TGFB1I1: variants seen among roughly 807,000 people sequenced by gnomAD.
The protein encoded by TGFB1I1 is transforming growth factor beta 1 induced transcript 1.
A neutral mutation model predicts 52.0 loss-of-function variants in TGFB1I1; 33 were observed. That is an observed-to-expected ratio of 0.63 (90% confidence interval 0.48 to 0.85). The LOEUF is 0.85. TGFB1I1 is among the 40% of genes least tolerant of loss of function. The probability of loss-of-function intolerance (pLI) is 0.00; values close to 1 mark genes in which losing one functional copy is unlikely to be tolerated. For missense variants in TGFB1I1, 577 were observed against 614.9 expected, an observed-to-expected ratio of 0.94 and a Z score of 0.65; for synonymous variants, 236 against 253.3, an observed-to-expected ratio of 0.93 and a Z score of 0.65.
rs1444972611 is a variant in TGFB1I1 at position 31,473,505 on chromosome 16, G to A, written c.78G>A (p.Glu26=). The A allele has an allele frequency of 3.7e-6, 6 of 1,613,762 alleles. No individual in the cohort carries two copies. Among genetic ancestry groups the A allele is most frequent in the Non-Finnish European group, 5.1e-6 (6 of 1,180,028 alleles). ...TGCCAAGGTCAGGGGCTCCCAAAGA[G>A]CGCCCTGCGGAGCCTCTCACCCCTC... The part of the protein sequence containing the change: ...SHMPRSGAPK[E]RPAEPLTPPP... Residue 26 remains glutamate, a synonymous_variant, in exon 2 of 11, where the codon GAG becomes GAA. Coordinates refer to ENST00000394863, the MANE Select transcript of TGFB1I1 (RefSeq NM_001042454.3).
rs1415554882 is a variant in TGFB1I1 at position 31,476,195 on chromosome 16, G to T, written c.888+10G>T. Reference sequence around the variant, plus strand: ...CCAGCCCATCCGACACGTGAGCCCCGCCCGGCCGCACCGAGCCCGCCCTAT... The same window carrying T: ...CCAGCCCATCCGACACGTGAGCCCCTCCCGGCCGCACCGAGCCCGCCCTAT... On this transcript the variant is annotated intron_variant, in intron 8 of 10. Coordinates refer to ENST00000394863, the MANE Select transcript of TGFB1I1 (RefSeq NM_001042454.3). This position sits in a 1 kb window ranked among gnomAD's most constrained non-coding sequence, Gnocchi z 7.6. The T allele has an allele frequency of 2.5e-6, 4 of 1,608,600 alleles. No homozygotes were observed. The highest frequency in any genetic ancestry group is 3.4e-6 in the Non-Finnish European group (4 of 1,178,414).
Position 31,476,992 on chromosome 16 carries a change from G to T in TGFB1I1, c.1101G>T (p.Pro367=). Residue 367 remains proline (P), a synonymous_variant, in exon 10 of 11, where the codon CCG becomes CCT. Coordinates refer to ENST00000394863, the MANE Select transcript of TGFB1I1 (RefSeq NM_001042454.3). The surrounding 1 kb of genome is among the most constrained non-coding windows in gnomAD (Gnocchi z 7.6). The stretch of plus-strand genomic sequence containing the variant: ...CGGCGCTCAGCGCGCTCTGGCACCC[G>T]GACTGTTTCGTCTGCAGGGTGCGAG... ...YISALSALWH[P]DCFVCRECFA... is the part of the protein sequence containing the mutation. 1 of 1,588,690 alleles carries T rather than the reference G, an allele frequency of 6.3e-7. No homozygotes were observed. The highest frequency in any genetic ancestry group is 8.5e-7 in the Non-Finnish European group (1 of 1,173,816).
chr16:31,474,569 G>A lies in TGFB1I1; in HGVS notation c.526G>A (p.Ala176Thr). 1 of 1,608,272 alleles carries A rather than the reference G, an allele frequency of 6.2e-7. No individual in the cohort carries two copies. The highest frequency in any genetic ancestry group is 1.1e-5 in the South Asian group (1 of 90,772). Reference sequence around the variant, plus strand: ...CATGTCCTCCCCGCTGCAGCTTCCAGCCTCTGGGCCAACTCAGCCACCGGT... The same window carrying A: ...CATGTCCTCCCCGCTGCAGCTTCCAACCTCTGGGCCAACTCAGCCACCGGT... ...SDFRVQNHLP[A>T]SGPTQPPVVS... The change falls in exon 7 of 11, where the codon GCC becomes ACC. Residue 176 changes from alanine (A) to threonine (T), a missense_variant. Coordinates refer to ENST00000394863, the MANE Select transcript of TGFB1I1 (RefSeq NM_001042454.3). The surrounding 1 kb of genome is among the most constrained non-coding windows in gnomAD (Gnocchi z 4.2).
chr16:31,476,801 T>C lies in TGFB1I1; in HGVS notation c.971-61T>C. The C allele has an allele frequency of 2.5e-6, 4 of 1,602,484 alleles. No individual in the cohort carries two copies. Among genetic ancestry groups the C allele is most frequent in the Non-Finnish European group, 3.4e-6 (4 of 1,176,416 alleles). On this transcript the variant is annotated intron_variant, in intron 9 of 10. Transcript: ENST00000394863. This position sits in a 1 kb window ranked among gnomAD's most constrained non-coding sequence, Gnocchi z 7.6. ...CTCCTTCGGCCCCAGATCTCAGGTC[T>C]TGTGGGTCCCCCGTCCCGCCCGCAC...
At chr16:31,473,401 C>A in intron 1 of TGFB1I1, 40 bp from the exon 2 acceptor site, 2 of 1,588,734 alleles carry the variant, frequency 1.3e-6, no homozygotes, top group African/African-American at 2.7e-5. Flanking sequence ...CTGATCTAAC[C>A]GTGACCCTTG....
At position 31,474,683 on chromosome 16, in the gene TGFB1I1, G is replaced by A. The variant is rs374512418; in HGVS notation, c.640G>A (p.Asp214Asn). 11 of 1,613,084 alleles carry A rather than the reference G, an allele frequency of 6.8e-6. No individual in the cohort carries two copies. The highest frequency in any genetic ancestry group is 1.7e-4 in the Middle Eastern group (1 of 6,060). Residue 214 changes from aspartate to asparagine, a missense_variant, in exon 7 of 11, where the codon GAC becomes AAC. This residue lies in a region of TGFB1I1 where 456 missense variants were observed against 461.6 expected (regional missense o/e 0.99). Coordinates refer to ENST00000394863, the MANE Select transcript of TGFB1I1 (RefSeq NM_001042454.3). This position sits in a 1 kb window ranked among gnomAD's most constrained non-coding sequence, Gnocchi z 4.2. ...CACCATGCTGGGGCTGCTGCAGTCC[G>A]ACCTCAGCCGCCGGGGTGTTCCCAC... ...LDTMLGLLQSDLSRRGVPTQA... is the reference protein window; with the variant it reads ...LDTMLGLLQSNLSRRGVPTQA...
Position 31,474,372 on chromosome 16 carries a change from C to T in TGFB1I1, c.436C>T (p.Leu146Phe), listed in dbSNP as rs373889382. 1.9e-6 allele frequency: 3 copies of T among 1,614,084 alleles called. No individual in the cohort carries two copies. The highest frequency in any genetic ancestry group is 1.1e-5 in the South Asian group (1 of 91,090). Reference sequence around the variant, plus strand: ...CAGCCCTTCCAGCCCGTCTCCTGGCCTCCCAAAGGCTTCTGCCACCTCAGC... The same window carrying T: ...CAGCCCTTCCAGCCCGTCTCCTGGCTTCCCAAAGGCTTCTGCCACCTCAGC... ...PSLPSSPSPG[L>F]PKASATSATL... The change falls in exon 6 of 11, where the codon CTC becomes TTC. Residue 146 changes from leucine to phenylalanine, a missense_variant. By Grantham distance (22) the Leu-to-Phe change is conservative. Coordinates refer to ENST00000394863, the MANE Select transcript of TGFB1I1 (RefSeq NM_001042454.3). The surrounding 1 kb of genome is among the most constrained non-coding windows in gnomAD (Gnocchi z 4.2).
At chr16:31,473,124 A>G in intron 1 of TGFB1I1, 1 of 965,756 alleles carries the variant, frequency 1.0e-6, no homozygotes, top group Non-Finnish European at 1.3e-6. Context: ...AGGGCCAGGC[A>G]CTGGGCCAAT....
At chr16:31,472,244 GC>G in intron 1 of TGFB1I1, 43 bp downstream of exon 1, 1 of 1,447,998 alleles carries the variant, frequency 6.9e-7, no homozygotes, top group Non-Finnish European at 9.1e-7. Flanking sequence ...CCTCACCGCT[GC>G]CCAGAGCTGC....
intron 1 of TGFB1I1, 68 bp from the exon 2 acceptor site, chr16:31,473,373 C>T (rs909031776): frequency 2.6e-6 from 4 of 1,532,220 alleles, no homozygotes; most frequent in Non-Finnish European, 3.6e-6. Context: ...CAGTACTGCC[C>T]ACTGGGAACC....
chr16:31,475,010 C>T, intron 7 of TGFB1I1: 3 of 509,714 alleles, frequency 5.9e-6, no homozygotes, highest in Non-Finnish European at 1.1e-5. Context: ...CCTTTACAAA[C>T]CCTCATCTCA....
chr16:31,474,284 A>T lies in TGFB1I1; in HGVS notation c.413+45A>T, dbSNP rs117552655. The T allele has an allele frequency of 0.022, 34,931 of 1,613,512 alleles. 469 individuals carry two copies. The highest frequency in any genetic ancestry group is 0.026 in the Non-Finnish European group (30,891 of 1,179,496). ...CAGGGCTGAGAGATGAGTCCTGGAT[A>T]TCTGAGTCACTAGAGGGAGCGTTGC... is the stretch of plus-strand genomic sequence containing the variant. On this transcript the variant is annotated intron_variant, in intron 5 of 10. Transcript: ENST00000394863. The surrounding 1 kb of genome is among the most constrained non-coding windows in gnomAD (Gnocchi z 4.2).
In TGFB1I1 at chr16:31,476,991, C is replaced by G. The variant is rs770482800; in HGVS notation, c.1100C>G (p.Pro367Arg). Residue 367 changes from proline (P) to arginine (R), a missense_variant, in exon 10 of 11, where the codon CCG (proline) becomes CGG (arginine). Physicochemically the swap from Pro to Arg is moderately radical, Grantham distance 103. This residue lies in a region of TGFB1I1 where 456 missense variants were observed against 461.6 expected (regional missense o/e 0.99). Coordinates refer to ENST00000394863, the MANE Select transcript of TGFB1I1 (RefSeq NM_001042454.3). The surrounding 1 kb of genome is among the most constrained non-coding windows in gnomAD (Gnocchi z 7.6). ...TCGGCGCTCAGCGCGCTCTGGCACC[C>G]GGACTGTTTCGTCTGCAGGGTGCGA... ...YISALSALWH[P>R]DCFVCRECFA... 1 of 1,586,398 alleles carries G rather than the reference C, an allele frequency of 6.3e-7. No individual in the cohort carries two copies. The highest frequency in any genetic ancestry group is 8.5e-7 in the Non-Finnish European group (1 of 1,172,476).
Position 31,474,846 on chromosome 16 carries a change from A to T in TGFB1I1, c.714+89A>T. On this transcript the variant is annotated intron_variant, in intron 7 of 10. Transcript: ENST00000394863. This position sits in a 1 kb window ranked among gnomAD's most constrained non-coding sequence, Gnocchi z 4.2. The stretch of plus-strand genomic sequence containing the variant: ...GGGCTTTATGCTGTTCCCTTTTAGT[A>T]AGTTAATCTGGGAAGTGGGTATCAT... 1 of 1,266,248 alleles carries T rather than the reference A, an allele frequency of 7.9e-7. No individual in the cohort carries two copies. Among genetic ancestry groups the T allele is most frequent in the Non-Finnish European group, 1.1e-6 (1 of 909,522 alleles). The allele number at this position is 1,266,248 out of a possible 1,614,324, so 78.4% of individuals were successfully genotyped here.
intron 1 of TGFB1I1, chr16:31,472,418 T>G: frequency 3.8e-6 from 3 of 795,304 alleles, no homozygotes; most frequent in Non-Finnish European, 4.9e-6. Flanking sequence ...GCTGTGCTCC[T>G]CCATCCCAGG....
chr16:31,474,548 T>C lies in TGFB1I1; in HGVS notation c.520-15T>C. On this transcript the variant is annotated splice_polypyrimidine_tract_variant and intron_variant, in intron 6 of 10. Coordinates refer to ENST00000394863, the MANE Select transcript of TGFB1I1 (RefSeq NM_001042454.3). The surrounding 1 kb of genome is among the most constrained non-coding windows in gnomAD (Gnocchi z 4.2). ...CTGCTTTGCTGACTCAATTCTCATG[T>C]CCTCCCCGCTGCAGCTTCCAGCCTC... 1 of 1,609,294 alleles carries C rather than the reference T, an allele frequency of 6.2e-7. No homozygotes were observed. Among genetic ancestry groups the C allele is most frequent in the East Asian group, 2.2e-5 (1 of 44,806 alleles).
Position 31,477,313 on chromosome 16 carries a change from T to C in TGFB1I1, c.1123T>C (p.Cys375Arg). The C allele has an allele frequency of 1.2e-6, 2 of 1,603,296 alleles. No homozygotes were observed. The highest frequency in any genetic ancestry group is 1.7e-6 in the Non-Finnish European group (2 of 1,173,524). ...WHPDCFVCRECFAPFSGGSFF... is the reference protein window; with the variant it reads ...WHPDCFVCRERFAPFSGGSFF... ...TTTCGCGGCTTCCCTTCCCCAGGAA[T>C]GCTTCGCGCCCTTCTCGGGAGGCAG... The change falls in exon 11 of 11, where the codon TGC becomes CGC. Residue 375 changes from cysteine to arginine, a missense_variant. Transcript: ENST00000394863. The surrounding 1 kb of genome is among the most constrained non-coding windows in gnomAD (Gnocchi z 4.7).
rs1271732869 is a variant in TGFB1I1 at position 31,477,601 on chromosome 16, C to T, written c.*25C>T. On this transcript the variant is annotated 3_prime_UTR_variant, in exon 11 of 11. Coordinates refer to ENST00000394863, the MANE Select transcript of TGFB1I1 (RefSeq NM_001042454.3). This position sits in a 1 kb window ranked among gnomAD's most constrained non-coding sequence, Gnocchi z 4.7. ...ACAGCCCGCTCGGCTCGCCCTCTCC[C>T]CCGGAGGCCGCGCCCTCCCGGAAAA... 2 of 1,569,874 alleles carry T rather than the reference C, an allele frequency of 1.3e-6. No homozygotes were observed.
rs1439592578 is a variant in TGFB1I1 at position 31,477,438 on chromosome 16, C to T, written c.1248C>T (p.Cys416=). ...GTGGCCTCCCTGTGACCGGCCGCTGCGTGTCGGCCCTGGGTCGCCGCTTCC... is the reference window on the plus strand; with the variant it reads ...GTGGCCTCCCTGTGACCGGCCGCTGTGTGTCGGCCCTGGGTCGCCGCTTCC... The part of the protein sequence containing the change: ...ATCGLPVTGR[C]VSALGRRFHP... Residue 416 remains cysteine, a synonymous_variant, in exon 11 of 11, where the codon TGC becomes TGT. Transcript: ENST00000394863. This position sits in a 1 kb window ranked among gnomAD's most constrained non-coding sequence, Gnocchi z 4.7. 6 of 1,601,104 alleles carry T rather than the reference C, an allele frequency of 3.7e-6. No individual in the cohort carries two copies. The highest frequency in any genetic ancestry group is 2.2e-5 in the South Asian group (2 of 89,316).
Sources: allele counts gnomAD v4.1 joint callset, GRCh38; gene constraint gnomAD v4.1.1; regional missense constraint gnomAD v4.1.1; non-coding constraint Gnocchi (gnomAD v3.1); transcripts MANE v1.5; gene names NCBI Gene and HGNC (gene_info 2026-07-23, HGNC 2026-07-21).